The following RTN3 variants were observed in gnomAD, a reference collection of about 807,000 sequenced individuals.
RTN3 encodes the protein reticulon-3.
A neutral mutation model predicts 77.8 loss-of-function variants in RTN3; 49 were observed. The observed-to-expected ratio is 0.63, with a 90% CI of 0.50 to 0.80. The LOEUF (loss-of-function observed/expected upper bound fraction) is 0.80, where lower values mean the gene tolerates loss of function less well. Among genes scored for constraint, RTN3 ranks in the 30% least tolerant of loss-of-function variants. The pLI, the probability that RTN3 is intolerant of heterozygous loss-of-function variation, is 0.00. For synonymous variants in RTN3, 464 were observed against 446.9 expected, an observed-to-expected ratio of 1.04 and a Z score of -0.48; for missense variants, 1,236 against 1,211.9, an observed-to-expected ratio of 1.02 and a Z score of -0.29.
At chr11:63,710,075 A>T (rs1942675456) in intron 2 of RTN3, among the ~76,000 whole-genome samples, 1 of 152,214 alleles carries the variant, frequency 6.6e-6, no homozygotes, top group Non-Finnish European at 1.5e-5. Context: ...AGTTATACGT[A>T]CTTGAATAGA....
At chr11:63,704,416 A>G (rs1451351204) in intron 1 of RTN3, among the ~76,000 whole-genome samples, 1 of 152,198 alleles carries the variant, frequency 6.6e-6, no homozygotes, top group Non-Finnish European at 1.5e-5. Context: ...TGCCAATTAG[A>G]TATTTTCAAA....
chr11:63,697,120 G>A (rs907939685), intron 1 of RTN3, among the ~76,000 whole-genome samples: 13 of 151,460 alleles, frequency 8.6e-5, no homozygotes, highest in South Asian at 6.3e-4. Context: ...TCCTGACCTC[G>A]TGATCTGTCC....
At chr11:63,746,782 G>T (rs2013823009) in intron 3 of RTN3, among the ~76,000 whole-genome samples, 1 of 152,118 alleles carries the variant, frequency 6.6e-6, no homozygotes, top group South Asian at 2.1e-4. Context: ...CCAAAGTGCT[G>T]GGATTACAGG....
chr11:63,695,137 T>C (rs1941873009), intron 1 of RTN3, among the ~76,000 whole-genome samples: 1 of 152,226 alleles, frequency 6.6e-6, no homozygotes, highest in African/African-American at 2.4e-5. Context: ...TATTCTGTGA[T>C]TTCTGCTATA....
intron 3 of RTN3, 70 bp from the exon 4 acceptor site, chr11:63,749,921 C>A: frequency 1.8e-6 from 2 of 1,117,468 alleles, no homozygotes; most frequent in Non-Finnish European, 2.7e-6. Flanking sequence ...TAATGTGAGG[C>A]TCCACAGGTA....
intron 2 of RTN3, among the ~76,000 whole-genome samples, chr11:63,713,192 ATC>A (rs1197937795): frequency 6.6e-6 from 1 of 152,224 alleles, no homozygotes; most frequent in Non-Finnish European, 1.5e-5. Flanking sequence ...CAGATAATAT[ATC>A]TCAGTGGAGT....
At chr11:63,737,983 A>G (rs1286663576) in intron 3 of RTN3, among the ~76,000 whole-genome samples, 1 of 152,210 alleles carries the variant, frequency 6.6e-6, no homozygotes, top group Admixed American at 6.5e-5. Flanking sequence ...AGCAGAGCAG[A>G]GTCTTAACCC....
chr11:63,749,976 C>G lies in RTN3; in HGVS notation c.2531-15C>G, dbSNP rs2014014525. ...GGATGTTTCTTATAACTTATATTCC[C>G]TTTTCTTTTGTCAGTGCACGATCTG... is the stretch of plus-strand genomic sequence containing the variant. On this transcript the variant is annotated splice_polypyrimidine_tract_variant and intron_variant, in intron 3 of 8. Transcript: ENST00000377819. 1 of 1,601,006 alleles carries G rather than the reference C, an allele frequency of 6.2e-7. No homozygotes were observed. The highest frequency in any genetic ancestry group is 2.2e-5 in the East Asian group (1 of 44,804).
At chr11:63,749,424 C>CT (rs528943220) in intron 3 of RTN3, among the ~76,000 whole-genome samples, 57 of 152,236 alleles carry the variant, frequency 3.7e-4, no homozygotes, top group African/African-American at 1.3e-3. Context: ...TTATTTACCA[C>CT]TTTCTTTGCC....
intron 1 of RTN3, among the ~76,000 whole-genome samples, chr11:63,700,132 G>C (rs1942161061): frequency 6.6e-6 from 1 of 152,100 alleles, no homozygotes; most frequent in Admixed American, 6.6e-5. Flanking sequence ...ATGCTCATAG[G>C]CTCTTCTTTG....
At chr11:63,753,821 C>A in intron 7 of RTN3, 113 bp downstream of exon 7, 1 of 990,164 alleles carries the variant, frequency 1.0e-6, no homozygotes, top group Non-Finnish European at 1.5e-6. Context: ...TTTCTACAAT[C>A]TAATTTTGTG....
At chr11:63,717,067 G>A (rs1164215588) in intron 2 of RTN3, among the ~76,000 whole-genome samples, 1 of 152,024 alleles carries the variant, frequency 6.6e-6, no homozygotes, top group Non-Finnish European at 1.5e-5. Context: ...GGAGGCTGAG[G>A]TGGGAGGATA....
rs1362415272 is a variant in RTN3 at position 63,718,820 on chromosome 11, T to C, written c.318T>C (p.His106=). The change falls in exon 3 of 9, where the codon CAT becomes CAC. Residue 106 remains histidine (H), a synonymous_variant. Coordinates refer to ENST00000377819, the MANE Select transcript of RTN3 (RefSeq NM_001265589.2). ...CAATACTACATGGAGAAAAAAGCCATGTGTTAGGGAGCCAGCCTATTTTAG... is the reference window on the plus strand; with the variant it reads ...CAATACTACATGGAGAAAAAAGCCACGTGTTAGGGAGCCAGCCTATTTTAG... ...GLTILHGEKS[H]VLGSQPILAK... 1.9e-6 allele frequency: 3 copies of C among 1,614,058 alleles called. No individual in the cohort carries two copies. The highest frequency in any genetic ancestry group is 1.1e-5 in the South Asian group (1 of 91,060).
Position 63,758,528 on chromosome 11 carries a change from C to T in RTN3, c.*327C>T. 3 of 572,576 alleles carry T rather than the reference C, an allele frequency of 5.2e-6. No homozygotes were observed. The highest frequency in any genetic ancestry group is 8.9e-6 in the Non-Finnish European group (3 of 335,338). The allele number at this position is 572,576 out of a possible 1,614,324, so 35.5% of individuals were successfully genotyped here. On this transcript the variant is annotated 3_prime_UTR_variant, in exon 9 of 9. Transcript: ENST00000377819. ...GGTAAGAGAGAAAATGAAAGAACAC[C>T]TCTGGGTCCTTCTGTCCAGTTTTCA...
Position 63,758,328 on chromosome 11 carries a change from T to C in RTN3, c.*127T>C. The C allele has an allele frequency of 6.2e-7, 1 of 1,612,592 alleles. No homozygotes were observed. ...CTGCATTCCAAGCTTTTTTTTTAAT[T>C]TGGTGTTTTCTCCCATCCTTTCCCT... On this transcript the variant is annotated 3_prime_UTR_variant, in exon 9 of 9. Coordinates refer to ENST00000377819, the MANE Select transcript of RTN3 (RefSeq NM_001265589.2).
chr11:63,715,308 G>C (rs1040244482), intron 2 of RTN3, among the ~76,000 whole-genome samples: 2 of 152,124 alleles, frequency 1.3e-5, no homozygotes, highest in Non-Finnish European at 1.5e-5. Context: ...TCATTTTGTA[G>C]ACTTTCATCT....
chr11:63,702,101 A>G (rs1262370609), intron 1 of RTN3, among the ~76,000 whole-genome samples: 1 of 152,228 alleles, frequency 6.6e-6, no homozygotes, highest in East Asian at 1.9e-4. Flanking sequence ...CTTCTAGCTT[A>G]AATATATTTC....
intron 1 of RTN3, among the ~76,000 whole-genome samples, chr11:63,690,239 C>T (rs560025099): frequency 1.3e-5 from 2 of 152,260 alleles, no homozygotes; most frequent in African/African-American, 4.8e-5. Context: ...AAATTGTGTC[C>T]TGTTATTTGA....
intron 1 of RTN3, among the ~76,000 whole-genome samples, chr11:63,686,069 G>A (rs1258956792): frequency 6.6e-6 from 1 of 152,180 alleles, no homozygotes; most frequent in Non-Finnish European, 1.5e-5. Context: ...AATATTCAGT[G>A]TTCATTTCAG....
Sources: gnomAD v4.1 joint callset for allele counts (sites outside exome capture counted in the v4.1 genomes callset) on GRCh38, gnomAD v4.1.1 for gene constraint, MANE v1.5 for transcripts, NCBI Gene and HGNC (gene_info 2026-07-23, HGNC 2026-07-21) for gene names.